Variants in SCAP observed in about 807,000 individuals in gnomAD.
The protein encoded by SCAP is SREBF chaperone, also known as sterol regulatory element-binding protein cleavage-activating protein.
In SCAP, 65 loss-of-function variants were observed where a neutral mutation model predicts 123.6. That is an observed-to-expected ratio of 0.53 (90% confidence interval 0.43 to 0.65). SCAP has a LOEUF of 0.65. Among genes scored for constraint, SCAP ranks in the 30% least tolerant of loss-of-function variants. The pLI is 0.00. For missense variants in SCAP, 1,398 were observed against 1,712.5 expected (o/e 0.82, Z 3.24); for synonymous variants, 740 against 726.3 (o/e 1.02, Z -0.30).
chr3:47,447,349 C>A (rs1043669838), intron 1 of SCAP, among the ~76,000 whole-genome samples: 2 of 151,868 alleles, frequency 1.3e-5, no homozygotes, highest in Non-Finnish European at 2.9e-5. Context: ...GCCAAGATCA[C>A]GCCACTGCAC....
At chr3:47,451,794 C>T (rs1384746023) in intron 1 of SCAP, among the ~76,000 whole-genome samples, 1 of 123,072 alleles carries the variant, frequency 8.1e-6, no homozygotes, top group African/African-American at 2.8e-5. Flanking sequence ...GAGCTGGATA[C>T]CCTTCTGCAC....
In SCAP at chr3:47,420,679, C is replaced by T. The variant is rs1190832739; in HGVS notation, c.1438G>A (p.Val480Met). The part of the protein sequence containing the change: ...QPTRYERQLA[V>M]RPSTPHTITL... ...ATGGTGTGGGGTGTGGACGGCCTCA[C>T]AGCCAGCTGCCGCTCGTAGCGCGTT... Residue 480 changes from valine (V) to methionine (M), a missense_variant, in exon 12 of 23, where the codon GTG becomes ATG. Around this residue, in one of 7 missense-constraint regions of SCAP, gnomAD observed 828 missense variants for 882.5 expected, o/e 0.94. Transcript: ENST00000265565. This position sits in a 1 kb window ranked among gnomAD's most constrained non-coding sequence, Gnocchi z 5.0. The T allele has an allele frequency of 1.9e-6, 3 of 1,611,668 alleles. No individual in the cohort carries two copies. The highest frequency in any genetic ancestry group is 2.5e-6 in the Non-Finnish European group (3 of 1,179,960).
intron 2 of SCAP, among the ~76,000 whole-genome samples, chr3:47,435,631 C>G (rs1706549419): frequency 6.6e-6 from 1 of 151,970 alleles, no homozygotes; most frequent in South Asian, 2.1e-4. Context: ...GGTGATCCAC[C>G]CACCTCAGCC....
At position 47,475,842 on chromosome 3, in the gene SCAP, G is replaced by C. The variant is rs1408777461; in HGVS notation, c.-142C>G. The C allele has an allele frequency of 3.1e-5, 5 of 160,918 alleles. No homozygotes were observed. Among genetic ancestry groups the C allele is most frequent in the African/African-American group, 1.2e-4 (5 of 41,514 alleles). 10.0% of individuals were successfully genotyped at this position (160,918 alleles called of 1,614,324 possible). ...CCAAGCTGCGGCGGCGGCGGCGGCG[G>C]CGACGGGGGCGGCAGCAGGGGCGGA... is the stretch of plus-strand genomic sequence containing the variant. On this transcript the variant is annotated 5_prime_UTR_variant, in exon 1 of 23. Transcript: ENST00000265565.
intron 8 of SCAP, 120 bp from the exon 9 acceptor site, chr3:47,424,165 G>A (rs1706025281): frequency 1.4e-6 from 1 of 702,044 alleles, no homozygotes; most frequent in Non-Finnish European, 2.5e-6. Flanking sequence ...ACTCCCACAG[G>A]TGCTGGGCAG....
intron 7 of SCAP, 24 bp from the exon 8 acceptor site, chr3:47,425,635 A>G (rs1420494603): frequency 6.2e-7 from 1 of 1,611,378 alleles, no homozygotes; most frequent in Non-Finnish European, 8.5e-7. Context: ...AGGGCGTATC[A>G]GGGCGGCCCC....
intron 1 of SCAP, among the ~76,000 whole-genome samples, chr3:47,455,380 A>G (rs1212984859): frequency 6.6e-6 from 1 of 151,650 alleles, no homozygotes; most frequent in East Asian, 1.9e-4. Context: ...AGATCACCTG[A>G]AGTCAGGAGT....
At position 47,414,567 on chromosome 3, in the gene SCAP, C is replaced by A; in HGVS notation, c.3387+5G>T. The A allele has an allele frequency of 1.2e-6, 2 of 1,613,442 alleles. No individual in the cohort carries two copies. ...TACCCCCTACCCCACCTGCAGGCCG[C>A]TTACCTGGTCAATGTACACGGTCGT... On this transcript the variant is annotated splice_donor_5th_base_variant and intron_variant, in intron 21 of 22. Coordinates refer to ENST00000265565, the MANE Select transcript of SCAP (RefSeq NM_012235.4).
At position 47,469,735 on chromosome 3, in the gene SCAP, C is replaced by T. The variant is rs892599880; in HGVS notation, c.-99+6064G>A. The T allele has an allele frequency of 1.9e-5, 8 of 422,724 alleles. No individual in the cohort carries two copies. The East Asian group carries it at 4.5e-4, about 24-fold the overall frequency. The allele number at this position is 422,724 out of a possible 1,614,324, so 26.2% of individuals were successfully genotyped here. On this transcript the variant is annotated intron_variant, in intron 1 of 22. Coordinates refer to ENST00000265565, the MANE Select transcript of SCAP (RefSeq NM_012235.4). ...AGACATGCCTTTGCTCCTCTTTCAC[C>T]TTCTGCCATGATTGTGAGGCCTCCC...
chr3:47,454,311 T>C (rs1464432188), intron 1 of SCAP, among the ~76,000 whole-genome samples: 1 of 149,822 alleles, frequency 6.7e-6, no homozygotes, highest in Non-Finnish European at 1.5e-5. Context: ...GAGCCTGCAG[T>C]GAGCAGAGAT....
intron 2 of SCAP, among the ~76,000 whole-genome samples, chr3:47,440,858 C>A (rs1190461576): frequency 6.6e-6 from 1 of 151,690 alleles, no homozygotes; most frequent in Non-Finnish European, 1.5e-5. Context: ...GAGACCCTGT[C>A]TCAAGGAAGA....
chr3:47,440,480 A>T (rs1706750722), intron 2 of SCAP, among the ~76,000 whole-genome samples: 1 of 152,182 alleles, frequency 6.6e-6, no homozygotes. Flanking sequence ...TTCTCAAGTC[A>T]ATCAGGTTTT....
At chr3:47,459,052 G>A (rs1169494184) in intron 1 of SCAP, among the ~76,000 whole-genome samples, 2 of 152,156 alleles carry the variant, frequency 1.3e-5, no homozygotes, top group Non-Finnish European at 2.9e-5. Context: ...TGATCTGCCC[G>A]CCTTGGCCTC....
In SCAP at chr3:47,414,617, G is replaced by T. The variant is rs1170604713; in HGVS notation, c.3342C>A (p.Thr1114=). ...TGATGGCCCCTGAGTGGCCCTGAAG[G>T]GTGAAGAGGCAGCACGAGTCCTCCA... ...FRLEDSCCLF[T]LQGHSGAITT... Residue 1114 remains threonine, a synonymous_variant, in exon 21 of 23, where the codon ACC becomes ACA. Coordinates refer to ENST00000265565, the MANE Select transcript of SCAP (RefSeq NM_012235.4). 2.5e-6 allele frequency: 4 copies of T among 1,613,396 alleles called. No homozygotes were observed. The South Asian group carries it at 4.4e-5, about 18-fold the overall frequency.
At chr3:47,450,067 G>A (rs182608214) in intron 1 of SCAP, among the ~76,000 whole-genome samples, 1 of 122,664 alleles carries the variant, frequency 8.2e-6, no homozygotes, top group African/African-American at 2.8e-5. Context: ...GCGTGATCTC[G>A]GCTCACCGCA....
chr3:47,449,070 C>A (rs975442439), intron 1 of SCAP, among the ~76,000 whole-genome samples: 2 of 152,172 alleles, frequency 1.3e-5, no homozygotes, highest in East Asian at 1.9e-4. Context: ...GTTTTCAAAG[C>A]CTTTTAAGTA....
chr3:47,432,849 A>T (rs781644993), intron 3 of SCAP, among the ~76,000 whole-genome samples: 25 of 152,106 alleles, frequency 1.6e-4, no homozygotes, highest in Non-Finnish European at 3.1e-4. Context: ...TCCCTTTGGA[A>T]ACCATCCTCT....
intron 1 of SCAP, among the ~76,000 whole-genome samples, chr3:47,464,403 C>T (rs1707753855): frequency 6.6e-6 from 1 of 151,656 alleles, no homozygotes; most frequent in Admixed American, 6.6e-5. Flanking sequence ...AGATATTAAA[C>T]ATACATCTCA....
At chr3:47,421,495 GATTA>G in intron 10 of SCAP, 2 of 169,628 alleles carry the variant, frequency 1.2e-5, no homozygotes, top group Non-Finnish European at 2.6e-5. Flanking sequence ...GAGAGAGAGG[GATTA>G]ATTCTCTAAA....
Sources: gnomAD v4.1 joint callset for allele counts (sites outside exome capture counted in the v4.1 genomes callset) on GRCh38, gnomAD v4.1.1 for gene constraint, gnomAD v4.1.1 regional missense constraint, Gnocchi (gnomAD v3.1) non-coding constraint, MANE v1.5 for transcripts, NCBI Gene and HGNC (gene_info 2026-07-23, HGNC 2026-07-21) for gene names.